Variants in PTPN14 observed in about 807,000 individuals in gnomAD.
PTPN14 encodes protein tyrosine phosphatase non-receptor type 14, also known as tyrosine-protein phosphatase non-receptor type 14.
A neutral mutation model predicts 126.8 loss-of-function variants in PTPN14; 53 were observed. The observed-to-expected ratio is 0.42, with a 90% CI of 0.34 to 0.53. The LOEUF is 0.53. Ranked by LOEUF, PTPN14 falls within the 20% of genes least tolerant of loss-of-function variation. The pLI, the probability that PTPN14 is intolerant of heterozygous loss-of-function variation, is 0.08. For missense variants in PTPN14, 1,257 were observed against 1,552.9 expected (o/e 0.81, Z 3.20); for synonymous variants, 630 against 599.3 (o/e 1.05, Z -0.75).
Position 214,458,038 on chromosome 1 carries a change from T to TAGAGAG in PTPN14, c.175-6070_175-6065dup, listed in dbSNP as rs1335195820. ...CTATATCTATATCTATATCTATACCTAGAGAGAGAGAGAGAGATAGAGAGA... is the reference window on the plus strand; with the variant it reads ...CTATATCTATATCTATATCTATACCTAGAGAGAGAGAGAGAGAGAGAGATAGAGAGA... On this transcript the variant is annotated intron_variant, in intron 2 of 18. Transcript: ENST00000366956. Among the ~76,000 whole-genome samples, 63 of 146,210 alleles carry TAGAGAG rather than the reference T, an allele frequency of 4.3e-4. 1 individual carries two copies. Among genetic ancestry groups the TAGAGAG allele is most frequent in the African/African-American group, 1.6e-3 (62 of 38,362 alleles).
chr1:214,396,040 C>T (rs1363571455), intron 8 of PTPN14, among the ~76,000 whole-genome samples: 2 of 152,058 alleles, frequency 1.3e-5, no homozygotes, highest in Non-Finnish European at 2.9e-5. Context: ...GCCCCATACC[C>T]GGTGCAGGGA....
At chr1:214,499,618 A>G (rs1020952459) in intron 1 of PTPN14, among the ~76,000 whole-genome samples, 9 of 152,210 alleles carry the variant, frequency 5.9e-5, no homozygotes, top group Non-Finnish European at 1.3e-4. Flanking sequence ...TCTTCCCTCA[A>G]AAGAAAACTT....
At chr1:214,381,745 A>C (rs1658477659) in intron 13 of PTPN14, among the ~76,000 whole-genome samples, 1 of 152,250 alleles carries the variant, frequency 6.6e-6, no homozygotes, top group Non-Finnish European at 1.5e-5. Context: ...CCATCAAAGC[A>C]AATTTTAAGT....
At chr1:214,475,744 C>T (rs1041428980) in intron 1 of PTPN14, among the ~76,000 whole-genome samples, 21 of 151,300 alleles carry the variant, frequency 1.4e-4, no homozygotes, top group East Asian at 1.2e-3. Flanking sequence ...AACACCCCTA[C>T]GACAACAGGG....
intron 1 of PTPN14, among the ~76,000 whole-genome samples, chr1:214,478,437 G>C (rs897048597): frequency 3.3e-5 from 5 of 152,070 alleles, no homozygotes; most frequent in South Asian, 4.1e-4. Flanking sequence ...TATGAGCTTG[G>C]AGAAAACCAG....
In PTPN14 at chr1:214,394,992, T is replaced by C; in HGVS notation, c.759-6A>G. ...TATTCCCCATGTCATTCCACCTGGT[T>C]AGAAGAAATGTCACTGTGTTTACTC... is the stretch of plus-strand genomic sequence containing the variant. On this transcript the variant is annotated splice_region_variant and splice_polypyrimidine_tract_variant and intron_variant, in intron 8 of 18. Transcript: ENST00000366956. 6.2e-7 allele frequency: 1 copy of C among 1,604,716 alleles called. No homozygotes were observed. Among genetic ancestry groups the C allele is most frequent in the East Asian group, 2.2e-5 (1 of 44,820 alleles).
intron 1 of PTPN14, among the ~76,000 whole-genome samples, chr1:214,504,322 C>G (rs921850215): frequency 8.5e-5 from 13 of 152,078 alleles, no homozygotes; most frequent in African/African-American, 3.1e-4. Context: ...ACATGGCAAG[C>G]ACCGGGCAAT....
chr1:214,546,900 C>T (rs546117998), intron 1 of PTPN14, among the ~76,000 whole-genome samples: 2 of 152,042 alleles, frequency 1.3e-5, no homozygotes, highest in Admixed American at 1.3e-4. Context: ...TTGCAAGGAT[C>T]CTGAAGAAAA....
chr1:214,372,336 C>T (rs1658238477), intron 16 of PTPN14: 20 of 274,504 alleles, frequency 7.3e-5, no homozygotes, highest in South Asian at 7.0e-4. Context: ...TTGCCCAGAG[C>T]AGCCTGAGAC....
intron 5 of PTPN14, among the ~76,000 whole-genome samples, chr1:214,403,355 T>C (rs1659081313): frequency 6.6e-6 from 1 of 152,194 alleles, no homozygotes; most frequent in African/African-American, 2.4e-5. Context: ...AAGTTGAGCC[T>C]AGGAAGGGAC....
chr1:214,373,049 A>T (rs904152026), intron 15 of PTPN14, among the ~76,000 whole-genome samples: 6 of 152,138 alleles, frequency 3.9e-5, no homozygotes, highest in African/African-American at 1.4e-4. Flanking sequence ...AAGCCTATTA[A>T]ATATTTATCT....
intron 3 of PTPN14, among the ~76,000 whole-genome samples, chr1:214,436,595 A>C (rs926737725): frequency 8.6e-5 from 13 of 151,938 alleles, no homozygotes; most frequent in Admixed American, 3.9e-4. Context: ...TCAGGAGTTC[A>C]AGACCAGCTG....
In PTPN14 at chr1:214,551,495, C is replaced by T. The variant is rs1656112645; in HGVS notation, c.-467G>A. ...GCCACTTGATGTCTGTCTAGGGCTC[C>T]CCGAGGACCTGAGCCAGGAGAGCAG... is the stretch of plus-strand genomic sequence containing the variant. On this transcript the variant is annotated 5_prime_UTR_variant, in exon 1 of 19. Transcript: ENST00000366956. 1 of 152,352 alleles carries T rather than the reference C, an allele frequency of 6.6e-6. No homozygotes were observed. Among genetic ancestry groups the T allele is most frequent in the South Asian group, 2.1e-4 (1 of 4,838 alleles). The allele number at this position is 152,352 out of a possible 1,614,324, so 9.4% of individuals were successfully genotyped here. A position where few individuals can be genotyped will look rare whatever the true frequency, so the allele number is the denominator to read the frequency against.
chr1:214,480,031 G>T (rs1351916023), intron 1 of PTPN14, among the ~76,000 whole-genome samples: 2 of 151,984 alleles, frequency 1.3e-5, no homozygotes, highest in Non-Finnish European at 2.9e-5. Flanking sequence ...TTAAACTGTT[G>T]CATAATATTC....
Position 214,383,477 on chromosome 1 carries a change from C to T in PTPN14, c.2378G>A (p.Arg793Gln), listed in dbSNP as rs1311759997. 4 of 1,614,258 alleles carry T rather than the reference C, an allele frequency of 2.5e-6. No individual in the cohort carries two copies. Among genetic ancestry groups the T allele is most frequent in the South Asian group, 1.1e-5 (1 of 91,086 alleles). ...CCCGTTGACAGCCGGCGGGTCAGTC[C>T]GAGACATGCTGATGGCCTTGGCTGG... Reference protein sequence around the residue: ...HGPAKAISMSRTDPPAVNGAS... With the variant: ...HGPAKAISMSQTDPPAVNGAS... Residue 793 changes from arginine (R) to glutamine (Q), a missense_variant, in exon 13 of 19, where the codon CGG becomes CAG. Transcript: ENST00000366956. The surrounding 1 kb of genome is among the most constrained non-coding windows in gnomAD (Gnocchi z 4.4).
chr1:214,423,457 G>A (rs1659589612), intron 3 of PTPN14, among the ~76,000 whole-genome samples: 1 of 152,150 alleles, frequency 6.6e-6, no homozygotes, highest in Non-Finnish European at 1.5e-5. Flanking sequence ...CCTTACTCCA[G>A]CATCTCTGTC....
rs57810551 is a variant in PTPN14, at chr1:214,353,269, T to C, written c.*4653A>G. 6.6e-6 allele frequency: 1 copy of C among 152,110 alleles called. No individual in the cohort carries two copies. The highest frequency in any genetic ancestry group is 2.4e-5 in the African/African-American group (1 of 41,400). 9.4% of individuals were successfully genotyped at this position (152,110 alleles called of 1,614,324 possible). A position where few individuals can be genotyped will look rare whatever the true frequency, so the allele number is the denominator to read the frequency against. On this transcript the variant is annotated 3_prime_UTR_variant, in exon 19 of 19. Coordinates refer to ENST00000366956, the MANE Select transcript of PTPN14 (RefSeq NM_005401.5). ...TTTGCATATAACCTATGCACATCTC[T>C]TGCATACTTTAAATCATCTCTAGAT...
intron 8 of PTPN14, among the ~76,000 whole-genome samples, chr1:214,397,314 G>A (rs1658904025): frequency 1.3e-5 from 2 of 152,106 alleles, no homozygotes; most frequent in Admixed American, 1.3e-4. Context: ...ATGAAAGCTA[G>A]AACACAGTTT....
At chr1:214,485,591 T>C (rs1018560014) in intron 1 of PTPN14, among the ~76,000 whole-genome samples, 2 of 152,198 alleles carry the variant, frequency 1.3e-5, no homozygotes, top group Admixed American at 6.5e-5. Context: ...ACAACTGACC[T>C]AGACTTCCAA....
Sources: gnomAD v4.1 joint callset for allele counts (sites outside exome capture counted in the v4.1 genomes callset) on GRCh38, gnomAD v4.1.1 for gene constraint, Gnocchi (gnomAD v3.1) non-coding constraint, MANE v1.5 for transcripts, NCBI Gene and HGNC (gene_info 2026-07-23, HGNC 2026-07-21) for gene names.